ZNF248: variants seen among roughly 807,000 people sequenced by gnomAD.
The protein encoded by ZNF248 is zinc finger protein 248, also known as KRAB protein domain.
ZNF248 carries 20 observed loss-of-function variants against 44.3 expected under a neutral mutation model. The ratio of observed to expected loss-of-function variants is 0.45; its 90% CI spans 0.32 to 0.66. The LOEUF (loss-of-function observed/expected upper bound fraction) is 0.66, where lower values mean the gene tolerates loss of function less well. Among genes scored for constraint, ZNF248 ranks in the 30% least tolerant of loss-of-function variants. The pLI is 0.04. For synonymous variants in ZNF248, 224 were observed against 229.0 expected (o/e 0.98, Z 0.20); for missense variants, 654 against 677.0 (o/e 0.97, Z 0.38).
chr10:37,814,348 C>G (rs1390470084), intron 6 of ZNF248, among the ~76,000 whole-genome samples: 1 of 152,148 alleles, frequency 6.6e-6, no homozygotes, highest in African/African-American at 2.4e-5. Context: ...TACATTGTGT[C>G]CAGAGACACA....
At chr10:37,819,408 C>T in intron 6 of ZNF248, 1 of 1,539,216 alleles carries the variant, frequency 6.5e-7, no homozygotes. Flanking sequence ...TGGTAATTCT[C>T]CTTTTTCTCA....
intron 6 of ZNF248, among the ~76,000 whole-genome samples, chr10:37,782,384 T>G (rs939379604): frequency 6.6e-6 from 1 of 152,046 alleles, no homozygotes; most frequent in Non-Finnish European, 1.5e-5. Flanking sequence ...AATGCTGTAA[T>G]GGGTTAAGAT....
intron 6 of ZNF248, among the ~76,000 whole-genome samples, chr10:37,809,104 T>C (rs118038813): frequency 0.011 from 1,678 of 152,304 alleles, 16 homozygotes; most frequent in Admixed American, 0.018. Flanking sequence ...TTTAGTAGTT[T>C]GAGTCATTTT....
In ZNF248 at chr10:37,847,729, T is replaced by C. The variant is rs986985591; in HGVS notation, c.15+8567A>G. Among the ~76,000 whole-genome samples the C allele has an allele frequency of 2.7e-5, 4 of 146,688 alleles. No individual in the cohort carries two copies. In the East Asian group the frequency reaches 5.9e-4, roughly 22 times the overall value. Reference sequence around the variant, plus strand: ...TTTCAGAGATACTTACTGATATGTTTACAAAAAAAAATTATCTTGAATTTG... The same window carrying C: ...TTTCAGAGATACTTACTGATATGTTCACAAAAAAAAATTATCTTGAATTTG... On this transcript the variant is annotated intron_variant, in intron 3 of 5. Coordinates refer to ENST00000395867, the MANE Select transcript of ZNF248 (RefSeq NM_021045.3).
chr10:37,856,265 C>A (rs2061265768), intron 3 of ZNF248, 31 bp downstream of exon 3: 1 of 1,607,588 alleles, frequency 6.2e-7, no homozygotes, highest in Non-Finnish European at 8.5e-7. Context: ...CATTTTTAAA[C>A]AAACTGGGAA....
chr10:37,786,960 T>C (rs1020105801), intron 6 of ZNF248, among the ~76,000 whole-genome samples: 1 of 152,176 alleles, frequency 6.6e-6, no homozygotes, highest in Non-Finnish European at 1.5e-5. Flanking sequence ...AGAACAAATT[T>C]GTAAAACTTA....
intron 6 of ZNF248, chr10:37,820,460 C>CA: frequency 6.3e-7 from 1 of 1,591,426 alleles, no homozygotes; most frequent in Non-Finnish European, 8.6e-7. Flanking sequence ...ATCTAAACCA[C>CA]AGAGGGGCTG....
chr10:37,820,735 C>T, intron 6 of ZNF248: 1 of 1,317,956 alleles, frequency 7.6e-7, no homozygotes, highest in East Asian at 2.3e-5. Context: ...TGCACAAGCT[C>T]TGGTTGGAAG....
the ZNF248 span, among the ~76,000 whole-genome samples, chr10:37,765,551 T>A: frequency 3.9e-5 from 6 of 152,360 alleles, no homozygotes; most frequent in Non-Finnish European, 7.3e-5. Context: ...TCATTTAGCA[T>A]GGTATATTAT....
In ZNF248 at chr10:37,830,673, G is replaced by A; in HGVS notation, c.*942C>T. 2.1e-6 allele frequency: 2 copies of A among 930,730 alleles called. No homozygotes were observed. The highest frequency in any genetic ancestry group is 2.6e-6 in the Non-Finnish European group (2 of 780,298). 57.7% of individuals were successfully genotyped at this position (930,730 alleles called of 1,614,324 possible). On this transcript the variant is annotated 3_prime_UTR_variant, in exon 6 of 6. Coordinates refer to ENST00000395867, the MANE Select transcript of ZNF248 (RefSeq NM_021045.3). ...GAGAAAATTAAAACCCTGATTTATAGTTTGTCAATTTCCATGGTGTAAACA... is the reference window on the plus strand; with the variant it reads ...GAGAAAATTAAAACCCTGATTTATAATTTGTCAATTTCCATGGTGTAAACA...
At chr10:37,765,198 C>G in the ZNF248 span, among the ~76,000 whole-genome samples, 1 of 152,098 alleles carries the variant, frequency 6.6e-6, no homozygotes, top group Admixed American at 6.6e-5. Flanking sequence ...CTCAGGTGAT[C>G]TGCCCACCTC....
At chr10:37,765,713 A>G in the ZNF248 span, among the ~76,000 whole-genome samples, 1 of 152,192 alleles carries the variant, frequency 6.6e-6, no homozygotes, top group African/African-American at 2.4e-5. Flanking sequence ...CTGCATTTCC[A>G]TCTAAGGTAC....
chr10:37,829,834 C>T lies in ZNF248; in HGVS notation c.*1781G>A. 1.0e-6 allele frequency: 1 copy of T among 985,420 alleles called. No individual in the cohort carries two copies. The highest frequency in any genetic ancestry group is 1.2e-6 in the Non-Finnish European group (1 of 829,928). The allele number at this position is 985,420 out of a possible 1,614,324, so 61.0% of individuals were successfully genotyped here. On this transcript the variant is annotated 3_prime_UTR_variant, in exon 6 of 6. Transcript: ENST00000395867. ...TACTTCCCAAACATCTCATTGCTCCCAAGTTCACCCCAACAGAATCATTAA... is the reference window on the plus strand; with the variant it reads ...TACTTCCCAAACATCTCATTGCTCCTAAGTTCACCCCAACAGAATCATTAA...
chr10:37,825,084 T>A (rs1277349812), downstream of ZNF248, among the ~76,000 whole-genome samples: 1 of 152,006 alleles, frequency 6.6e-6, no homozygotes, highest in African/African-American at 2.4e-5. Context: ...AGAAACACTA[T>A]CCTGTTGATA....
At position 37,830,678 on chromosome 10, in the gene ZNF248, T is replaced by C; in HGVS notation, c.*937A>G. On this transcript the variant is annotated 3_prime_UTR_variant, in exon 6 of 6. Transcript: ENST00000395867. ...AATTAAAACCCTGATTTATAGTTTG[T>C]CAATTTCCATGGTGTAAACACTCCC... is the stretch of plus-strand genomic sequence containing the variant. 1.1e-6 allele frequency: 1 copy of C among 911,586 alleles called. No individual in the cohort carries two copies. The highest frequency in any genetic ancestry group is 1.3e-6 in the Non-Finnish European group (1 of 762,776). The allele number at this position is 911,586 out of a possible 1,614,324, so 56.5% of individuals were successfully genotyped here.
In ZNF248 at chr10:37,831,562, CCTT is replaced by C. The variant is rs2133884126; in HGVS notation, c.*50_*52del. 3 of 1,560,348 alleles carry C rather than the reference CCTT, an allele frequency of 1.9e-6. No homozygotes were observed. The Admixed American group carries it at 5.9e-5, about 31-fold the overall frequency. ...GACATTCTTTGGCTTTCTCTGATCT[CCTT>C]TTTTGAAACTGTATAACCAATTTCA... is the stretch of plus-strand genomic sequence containing the variant. On this transcript the variant is annotated 3_prime_UTR_variant, in exon 6 of 6. Transcript: ENST00000395867.
chr10:37,809,396 G>C (rs2051143743), intron 6 of ZNF248, among the ~76,000 whole-genome samples: 1 of 152,120 alleles, frequency 6.6e-6, no homozygotes, highest in African/African-American at 2.4e-5. Context: ...TCCCACTGCA[G>C]GCTCCTAAGC....
intron 6 of ZNF248, among the ~76,000 whole-genome samples, chr10:37,780,678 G>A (rs905397551): frequency 2.6e-5 from 4 of 152,166 alleles, no homozygotes; most frequent in African/African-American, 9.7e-5. Context: ...CCAGGGCCAA[G>A]GCGCGCACCC....
the ZNF248 span, among the ~76,000 whole-genome samples, chr10:37,769,513 G>A: frequency 6.6e-6 from 1 of 152,114 alleles, no homozygotes; most frequent in Non-Finnish European, 1.5e-5. Flanking sequence ...CAGAACCAAT[G>A]ACAAAAACCA....
Sources: gnomAD v4.1 joint callset for allele counts (sites outside exome capture counted in the v4.1 genomes callset) on GRCh38, gnomAD v4.1.1 for gene constraint, MANE v1.5 for transcripts, NCBI Gene and HGNC (gene_info 2026-07-23, HGNC 2026-07-21) for gene names.